DOCK7: variants seen among roughly 807,000 people sequenced by gnomAD.
DOCK7 encodes dedicator of cytokinesis protein 7.
In DOCK7, 138 loss-of-function variants were observed where a neutral mutation model predicts 271.0. The observed-to-expected ratio is 0.51, with a 90% CI of 0.44 to 0.59. The LOEUF is 0.59. Ranked by LOEUF, DOCK7 falls within the 20% of genes least tolerant of loss-of-function variation. The probability of loss-of-function intolerance (pLI) is 0.00; values close to 1 mark genes in which losing one functional copy is unlikely to be tolerated. For missense variants in DOCK7, 2,066 were observed against 2,592.4 expected (o/e 0.80, Z 4.41); for synonymous variants, 823 against 876.1 (o/e 0.94, Z 1.07).
At chr1:62,579,757 C>T (rs996177077) in intron 16 of DOCK7, among the ~76,000 whole-genome samples, 11 of 147,334 alleles carry the variant, frequency 7.5e-5, no homozygotes, top group African/African-American at 2.7e-4. Context: ...TATCAACCAT[C>T]TCACTGTTGA....
intron 16 of DOCK7, among the ~76,000 whole-genome samples, chr1:62,581,056 T>C (rs1265690927): frequency 1.3e-5 from 2 of 152,112 alleles, no homozygotes; most frequent in South Asian, 2.1e-4. Context: ...GCCTAAAATA[T>C]ATACCATCCA....
intron 43 of DOCK7, among the ~76,000 whole-genome samples, chr1:62,479,252 C>T (rs890365216): frequency 6.4e-5 from 9 of 141,670 alleles, no homozygotes; most frequent in Non-Finnish European, 1.2e-4. Flanking sequence ...AGCTCTAATC[C>T]TTAATTTACC....
intron 20 of DOCK7, among the ~76,000 whole-genome samples, chr1:62,557,798 A>C (rs1646195367): frequency 1.3e-5 from 2 of 151,684 alleles, no homozygotes; most frequent in African/African-American, 4.8e-5. Flanking sequence ...TTTTCCTTAA[A>C]ACCTTCTTCT....
At chr1:62,631,914 A>C (rs907372339) in intron 10 of DOCK7, among the ~76,000 whole-genome samples, 2 of 152,218 alleles carry the variant, frequency 1.3e-5, no homozygotes, top group African/African-American at 4.8e-5. Context: ...GAAAGTAAAA[A>C]GTAAAAAGGA....
At chr1:62,473,759 T>G (rs1255246652) in intron 48 of DOCK7, among the ~76,000 whole-genome samples, 1 of 152,020 alleles carries the variant, frequency 6.6e-6, no homozygotes, top group Non-Finnish European at 1.5e-5. Context: ...ATTTTTAAAT[T>G]TTTTTCGTAG....
chr1:62,506,556 C>T (rs1192214568), intron 35 of DOCK7, among the ~76,000 whole-genome samples: 5 of 151,828 alleles, frequency 3.3e-5, no homozygotes, highest in African/African-American at 1.2e-4. Context: ...CTGCAACCTC[C>T]GCCTCCTGGC....
Position 62,555,992 on chromosome 1 carries a change from T to C in DOCK7, c.2432-3A>G. The C allele has an allele frequency of 6.2e-7, 1 of 1,612,116 alleles. No individual in the cohort carries two copies. The highest frequency in any genetic ancestry group is 8.5e-7 in the Non-Finnish European group (1 of 1,179,572). On this transcript the variant is annotated splice_region_variant and splice_polypyrimidine_tract_variant and intron_variant, in intron 20 of 49. Coordinates refer to ENST00000635253, the MANE Select transcript of DOCK7 (RefSeq NM_001367561.1). ...AAAAGATGCTTGACCTAGGTTAACTTTTAAGAAAGAAGAAGTATTTACCTT... is the reference window on the plus strand; with the variant it reads ...AAAAGATGCTTGACCTAGGTTAACTCTTAAGAAAGAAGAAGTATTTACCTT...
chr1:62,516,060 C>T (rs1644653496), intron 31 of DOCK7, among the ~76,000 whole-genome samples: 1 of 152,050 alleles, frequency 6.6e-6, no homozygotes, highest in African/African-American at 2.4e-5. Context: ...CTTGTACCAC[C>T]ATACAGAAAA....
chr1:62,496,628 A>G (rs1646630760), intron 37 of DOCK7, 131 bp from the exon 38 acceptor site: 1 of 789,636 alleles, frequency 1.3e-6, no homozygotes, highest in African/African-American at 1.8e-5. Context: ...AAGTAATAAA[A>G]TATGCATATC....
Position 62,501,584 on chromosome 1 carries a change from A to G in DOCK7, c.4764+3046T>C, listed in dbSNP as rs371369759. 2.5e-4 allele frequency among the ~76,000 whole-genome samples: 38 copies of G among 152,264 alleles called. No homozygotes were observed. In the South Asian group the frequency reaches 2.9e-3, roughly 12 times the overall value. ...AATTTTATCACTGTTCATTAAAGGG[A>G]GTTAATAGATACTTGTCTCAAGTAG... On this transcript the variant is annotated intron_variant, in intron 37 of 49. Coordinates refer to ENST00000635253, the MANE Select transcript of DOCK7 (RefSeq NM_001367561.1).
At chr1:62,612,222 T>C (rs1029617895) in intron 14 of DOCK7, among the ~76,000 whole-genome samples, 7 of 152,120 alleles carry the variant, frequency 4.6e-5, no homozygotes, top group African/African-American at 1.4e-4. Flanking sequence ...AGTGAAATGA[T>C]AGGATGTCTA....
At position 62,543,697 on chromosome 1, in the gene DOCK7, T is replaced by C. The variant is rs199681303; in HGVS notation, c.2908A>G (p.Ser970Gly). The change falls in exon 24 of 50, where the codon AGT becomes GGT. Residue 970 changes from serine to glycine, a missense_variant. Physicochemically the swap from Ser to Gly is moderately conservative, Grantham distance 56. Transcript: ENST00000635253. ...NRMSSHTETS[S>G]FLQTLTGRLP... ...CGTCCCGTTAATGTTTGTAAGAAAC[T>C]TGACGTCTCTGTGTGCGAAGACATA... 657 of 1,605,674 alleles carry C rather than the reference T, an allele frequency of 4.1e-4. No homozygotes were observed. Among genetic ancestry groups the C allele is most frequent in the Non-Finnish European group, 5.4e-4 (632 of 1,173,788 alleles).
At position 62,485,345 on chromosome 1, in the gene DOCK7, C is replaced by A. The variant is rs945376527; in HGVS notation, c.5508+2053G>T. The stretch of plus-strand genomic sequence containing the variant: ...TACTAAGTTTTAGAGTTATCTTTCA[C>A]ACACACACACACACACCCTTCTAAA... On this transcript the variant is annotated intron_variant, in intron 43 of 49. Coordinates refer to ENST00000635253, the MANE Select transcript of DOCK7 (RefSeq NM_001367561.1). 11 of 968,788 alleles carry A rather than the reference C, an allele frequency of 1.1e-5. No homozygotes were observed. In the African/African-American group the frequency reaches 1.9e-4, roughly 17 times the overall value. The allele number at this position is 968,788 out of a possible 1,614,324, so 60.0% of individuals were successfully genotyped here. A position where few individuals can be genotyped will look rare whatever the true frequency, so the allele number is the denominator to read the frequency against.
Position 62,526,415 on chromosome 1 carries a change from T to C in DOCK7, c.3936+1736A>G, listed in dbSNP as rs190058618. Among the ~76,000 whole-genome samples, 464 of 151,938 alleles carry C rather than the reference T, an allele frequency of 3.1e-3. 1 individual carries two copies. The highest frequency in any genetic ancestry group is 5.0e-3 in the Non-Finnish European group (337 of 67,972). Reference sequence around the variant, plus strand: ...GTGTCCTAATCAAAAAGACAGATAATAACAAGTGTTGATGAGGATTTGGAG... The same window carrying C: ...GTGTCCTAATCAAAAAGACAGATAACAACAAGTGTTGATGAGGATTTGGAG... On this transcript the variant is annotated intron_variant, in intron 31 of 49. Transcript: ENST00000635253.
Position 62,668,369 on chromosome 1 carries a change from T to A in DOCK7, c.39-5239A>T, listed in dbSNP as rs1358769729. Among the ~76,000 whole-genome samples the A allele has an allele frequency of 4.6e-5, 7 of 152,276 alleles. No individual in the cohort carries two copies. In the East Asian group the frequency reaches 1.4e-3, roughly 29 times the overall value. ...TATTTAAGAGGGTGGAAAAACAGAT[T>A]TATGAGATATAACCAAATGCAACAT... On this transcript the variant is annotated intron_variant, in intron 1 of 49. Coordinates refer to ENST00000635253, the MANE Select transcript of DOCK7 (RefSeq NM_001367561.1).
In DOCK7 at chr1:62,561,619, G is replaced by C. The variant is rs1194435338; in HGVS notation, c.2197C>G (p.Gln733Glu). 1 of 1,553,030 alleles carries C rather than the reference G, an allele frequency of 6.4e-7. No individual in the cohort carries two copies. Among genetic ancestry groups the C allele is most frequent in the Non-Finnish European group, 8.6e-7 (1 of 1,157,052 alleles). The change falls in exon 19 of 50, where the codon CAA becomes GAA. Residue 733 changes from glutamine (Q) to glutamate (E), a missense_variant and splice_region_variant. Gln to Glu is a conservative substitution (Grantham distance 29, BLOSUM62 2). Transcript: ENST00000635253. Reference sequence around the variant, plus strand: ...TAATAAAAATTATTAAAACTCACTTGTGTATGGATAGACGAAACAGCAACA... The same window carrying C: ...TAATAAAAATTATTAAAACTCACTTCTGTATGGATAGACGAAACAGCAACA... ...EVVAVSSIHT[Q>E]DPYLDKFFAL...
Position 62,625,399 on chromosome 1 carries a change from G to A in DOCK7, c.1285C>T (p.Arg429Ter), listed in dbSNP as rs1057520100. 2 of 1,583,388 alleles carry A rather than the reference G, an allele frequency of 1.3e-6. No individual in the cohort carries two copies. Among genetic ancestry groups the A allele is most frequent in the East Asian group, 2.2e-5 (1 of 44,576 alleles). The change falls in exon 12 of 50, where the codon CGA (arginine) becomes TGA (stop). Residue 429 changes from arginine (R) to a stop codon, truncating the protein, a stop_gained and splice_region_variant. Coordinates refer to ENST00000635253, the MANE Select transcript of DOCK7 (RefSeq NM_001367561.1). LOFTEE classifies it high-confidence loss of function. ...STEVEISTGE[R>*]KGSWSERRNS... is the part of the protein sequence containing the mutation. The stretch of plus-strand genomic sequence containing the variant: ...CTCCTCTCTGACCAAGACCCTTTTC[G>A]TTCTACAAAAGAATTAAAAAAAAAA...
At chr1:62,576,706 G>A (rs144723910) in intron 18 of DOCK7, among the ~76,000 whole-genome samples, 121 of 152,166 alleles carry the variant, frequency 8.0e-4, no homozygotes, top group Non-Finnish European at 1.2e-3. Context: ...GTTTATGAAC[G>A]GTGGCTATTG....
rs74224729 is a variant in DOCK7, at chr1:62,476,340, G to A, written c.5635-184C>T. Among the ~76,000 whole-genome samples the A allele has an allele frequency of 2.6e-5, 4 of 152,044 alleles. No homozygotes were observed. In the East Asian group the frequency reaches 7.7e-4, roughly 29 times the overall value. ...TAGCTTATAAATTAGCATGGTCTCG[G>A]TCCATATTTATTTGACATTATTCCC... is the stretch of plus-strand genomic sequence containing the variant. On this transcript the variant is annotated intron_variant, in intron 44 of 49. Transcript: ENST00000635253.
Sources: gnomAD v4.1 joint callset for allele counts (sites outside exome capture counted in the v4.1 genomes callset) on GRCh38, gnomAD v4.1.1 for gene constraint, MANE v1.5 for transcripts, NCBI Gene and HGNC (gene_info 2026-07-23, HGNC 2026-07-21) for gene names.